Variants in LIPJ observed in about 807,000 individuals in gnomAD.
The protein encoded by LIPJ is lipase family member J.
LIPJ carries 33 observed loss-of-function variants against 39.8 expected under a neutral mutation model. The observed-to-expected ratio is 0.83, with a 90% confidence interval of 0.63 to 1.11. The LOEUF is 1.11. Ranked by LOEUF, LIPJ falls within the 50% of genes least tolerant of loss-of-function variation. The pLI is 0.00. For missense variants in LIPJ, 422 were observed against 427.9 expected (o/e 0.99, Z 0.12); for synonymous variants, 128 against 139.2 (o/e 0.92, Z 0.57).
At chr10:88,613,800 A>ATATATATATATATCTGTGTGTG in the LIPJ span, among the ~76,000 whole-genome samples, 1 of 74,172 alleles carries the variant, frequency 1.3e-5, no homozygotes, top group East Asian at 4.1e-4. Context: ...ATATATATAT[A>ATATATATATATATCTGTGTGTG]TGTGTGTGTG....
Position 88,594,001 on chromosome 10 carries a change from GATTTC to G in LIPJ, c.187_191del (p.Ile63GlnfsTer6). On this transcript the variant is annotated frameshift_variant, in exon 5 of 11. Coordinates refer to ENST00000371939, the Ensembl canonical transcript of LIPJ. LOFTEE classifies it high-confidence loss of function. ...GTTTGCTTACATCTGCCAGCAGCTG[GATTTC>G]CAATCTTCCCAACAATAGTCTGGGC... is the stretch of plus-strand genomic sequence containing the variant. The G allele has an allele frequency of 1.9e-6, 3 of 1,612,320 alleles. No individual in the cohort carries two copies. Among genetic ancestry groups the G allele is most frequent in the Non-Finnish European group, 2.5e-6 (3 of 1,178,832 alleles).
At chr10:88,610,057 T>C (rs546967258), downstream of LIPJ, among the ~76,000 whole-genome samples, 11 of 152,288 alleles carry the variant, frequency 7.2e-5, no homozygotes, top group South Asian at 2.3e-3. Context: ...AAGTTTCCTC[T>C]GATAAGCCTC....
chr10:88,613,770 G>GTGTATA, the LIPJ span, among the ~76,000 whole-genome samples: 4 of 75,514 alleles, frequency 5.3e-5, no homozygotes, highest in African/African-American at 8.8e-5. Context: ...ATGTGTGTGT[G>GTGTATA]TATATATATA....
At chr10:88,613,798 ATATGTGTGTGTGTGTGTG>A in the LIPJ span, among the ~76,000 whole-genome samples, 2 of 52,038 alleles carry the variant, frequency 3.8e-5, no homozygotes, top group Non-Finnish European at 8.3e-5. Flanking sequence ...ATATATATAT[ATATGTGTGTGTGTGTGTG>A]TATATATATA....
chr10:88,600,742 C>T (rs1851444874), intron 8 of LIPJ, among the ~76,000 whole-genome samples: 1 of 152,022 alleles, frequency 6.6e-6, no homozygotes, highest in African/African-American at 2.4e-5. Context: ...TTTTGTGTTG[C>T]TATAACAGAA....
upstream of LIPJ, among the ~76,000 whole-genome samples, chr10:88,586,326 AAGAATGACTAGATGACCT>A (rs1166617654): frequency 4.6e-5 from 7 of 152,194 alleles, no homozygotes; most frequent in Non-Finnish European, 7.4e-5. Flanking sequence ...CTGGAAAGGT[AAGAATGACTAGATGACCT>A]AGAATGACTA....
Position 88,605,709 on chromosome 10 carries a change from A to G in LIPJ, c.867+5A>G, listed in dbSNP as rs779196306. 1.7e-5 allele frequency: 27 copies of G among 1,585,662 alleles called. No individual in the cohort carries two copies. Among genetic ancestry groups the G allele is most frequent in the Non-Finnish European group, 2.2e-5 (25 of 1,155,462 alleles). On this transcript the variant is annotated splice_donor_5th_base_variant and intron_variant, in intron 10 of 10. Transcript: ENST00000371939. ...AACTTGGTTCATTATAATCAGGTAC[A>G]TAATTCTCTATAAAAACTCTCTACC... is the stretch of plus-strand genomic sequence containing the variant.
At chr10:88,617,297 T>C in the LIPJ span, among the ~76,000 whole-genome samples, 1 of 152,088 alleles carries the variant, frequency 6.6e-6, no homozygotes, top group Non-Finnish European at 1.5e-5. Flanking sequence ...GATTAGACAA[T>C]GATAATTTGA....
chr10:88,619,001 A>G, the LIPJ span: 1 of 152,280 alleles, frequency 6.6e-6, no homozygotes, highest in African/African-American at 2.4e-5. Flanking sequence ...TTTGTTAACT[A>G]TGCGTACATA....
At chr10:88,594,003 T>C (rs1205532467) in exon 5 of LIPJ, 1 of 1,612,382 alleles carries the variant, frequency 6.2e-7, no homozygotes, top group African/African-American at 1.3e-5. Flanking sequence ...AGCAGCTGGA[T>C]TTCCAATCTT....
the LIPJ span, among the ~76,000 whole-genome samples, chr10:88,613,743 G>GAT: frequency 1.4e-3 from 128 of 93,804 alleles, no homozygotes; most frequent in Non-Finnish European, 2.4e-3. Context: ...AAGGCATCCT[G>GAT]ATATATATAT....
intron 2 of LIPJ, among the ~76,000 whole-genome samples, chr10:88,589,338 C>T (rs1185188297): frequency 1.3e-5 from 2 of 151,806 alleles, no homozygotes; most frequent in Non-Finnish European, 3.0e-5. Context: ...AAGAATACAA[C>T]CAAAGAGGAA....
downstream of LIPJ, among the ~76,000 whole-genome samples, chr10:88,610,480 T>G (rs1851734859): frequency 6.6e-6 from 1 of 152,200 alleles, no homozygotes; most frequent in Admixed American, 6.5e-5. Flanking sequence ...CTTCCCAAAT[T>G]TATTCAAATA....
At chr10:88,613,800 A>ATATATATATATCTATGTGTGTG in the LIPJ span, among the ~76,000 whole-genome samples, 1 of 74,156 alleles carries the variant, frequency 1.3e-5, no homozygotes, top group African/African-American at 4.8e-5. Context: ...ATATATATAT[A>ATATATATATATCTATGTGTGTG]TGTGTGTGTG....
exon 6 of LIPJ, chr10:88,594,702 C>G: frequency 6.4e-7 from 1 of 1,563,554 alleles, no homozygotes; most frequent in Middle Eastern, 1.7e-4. Context: ...CTTCCAGCCT[C>G]TATTGATTTC....
chr10:88,595,064 C>A (rs1049144205), intron 6 of LIPJ, among the ~76,000 whole-genome samples: 1 of 151,668 alleles, frequency 6.6e-6, no homozygotes, highest in Admixed American at 6.6e-5. Flanking sequence ...AGTGAGATTG[C>A]CACTATTATT....
the LIPJ span, among the ~76,000 whole-genome samples, chr10:88,622,308 T>G: frequency 6.6e-6 from 1 of 152,130 alleles, no homozygotes; most frequent in Non-Finnish European, 1.5e-5. Context: ...TCCTTACAGA[T>G]TTTACCGTGA....
chr10:88,594,065 A>T (rs758534251), exon 5 of LIPJ: 1 of 1,612,324 alleles, frequency 6.2e-7, no homozygotes, highest in Non-Finnish European at 8.5e-7. Context: ...TGATGTGTGG[A>T]TGGGAAATAG....
chr10:88,616,476 C>G, the LIPJ span, among the ~76,000 whole-genome samples: 1 of 152,206 alleles, frequency 6.6e-6, no homozygotes, highest in Non-Finnish European at 1.5e-5. Context: ...AACGCCAGGT[C>G]GAGCTCAGTT....
Sources: gnomAD v4.1 joint callset for allele counts (sites outside exome capture counted in the v4.1 genomes callset) on GRCh38, gnomAD v4.1.1 for gene constraint, MANE v1.5 for transcripts, NCBI Gene and HGNC (gene_info 2026-07-23, HGNC 2026-07-21) for gene names.